RNLS: variants seen among roughly 807,000 people sequenced by gnomAD.
The protein encoded by RNLS is renalase.
In RNLS, 39 loss-of-function variants were observed where a neutral mutation model predicts 39.8. That is an observed-to-expected ratio of 0.98 (90% CI 0.76 to 1.28). The LOEUF is 1.28. RNLS is among the 50% of genes most tolerant of loss of function. The probability of loss-of-function intolerance (pLI) is 0.00; values close to 1 mark genes in which losing one functional copy is unlikely to be tolerated. For missense variants in RNLS, 410 were observed against 413.3 expected, an observed-to-expected ratio of 0.99 and a Z score of 0.07; for synonymous variants, 147 against 150.7, an observed-to-expected ratio of 0.98 and a Z score of 0.18.
chr10:88,369,469 C>G (rs532481545), intron 4 of RNLS, among the ~76,000 whole-genome samples: 2 of 152,244 alleles, frequency 1.3e-5, no homozygotes, highest in Admixed American at 1.3e-4. Context: ...CAGGTGTTGG[C>G]AATGGTGAGC....
chr10:88,353,847 G>A (rs890826026), intron 5 of RNLS, among the ~76,000 whole-genome samples: 1 of 152,178 alleles, frequency 6.6e-6, no homozygotes, highest in Non-Finnish European at 1.5e-5. Context: ...GGGAGTCTAA[G>A]TCTCTTTGTA....
chr10:88,402,726 T>C (rs1254108617), intron 4 of RNLS, among the ~76,000 whole-genome samples: 5 of 151,988 alleles, frequency 3.3e-5, no homozygotes, highest in Admixed American at 1.3e-4. Context: ...GAAAATTCTA[T>C]CTTATAGAAT....
intron 4 of RNLS, among the ~76,000 whole-genome samples, chr10:88,424,422 G>C (rs1436283025): frequency 2.0e-5 from 3 of 152,110 alleles, no homozygotes; most frequent in African/African-American, 7.2e-5. Context: ...GAGAGGAATA[G>C]GTGGCTTGAA....
the RNLS span, among the ~76,000 whole-genome samples, chr10:88,231,942 C>CTGTGTGTG: frequency 0.036 from 5,451 of 149,740 alleles, 117 homozygotes; most frequent in Middle Eastern, 0.051. Context: ...CACAGGATTT[C>CTGTGTGTG]TGTGTGTGTG....
chr10:88,558,206 G>C (rs1357808559), intron 4 of RNLS, among the ~76,000 whole-genome samples: 1 of 152,078 alleles, frequency 6.6e-6, no homozygotes, highest in Non-Finnish European at 1.5e-5. Flanking sequence ...AAGGTATACC[G>C]CTCCAATTAC....
At chr10:88,211,272 A>G in the RNLS span, among the ~76,000 whole-genome samples, 2 of 152,130 alleles carry the variant, frequency 1.3e-5, no homozygotes, top group Admixed American at 6.6e-5. Context: ...TTCTCTCCCA[A>G]TGCATGCATG....
chr10:88,562,823 CAAT>C (rs377622527), intron 4 of RNLS, among the ~76,000 whole-genome samples: 1 of 152,054 alleles, frequency 6.6e-6, no homozygotes, highest in Non-Finnish European at 1.5e-5. Context: ...GCAGTTATCT[CAAT>C]AAATATAAAA....
chr10:88,397,368 A>G (rs1852624030), intron 4 of RNLS, among the ~76,000 whole-genome samples: 1 of 152,022 alleles, frequency 6.6e-6, no homozygotes, highest in African/African-American at 2.4e-5. Context: ...TAAGCAACAC[A>G]CACCTAAATA....
At chr10:88,403,534 T>C (rs780640975) in intron 4 of RNLS, among the ~76,000 whole-genome samples, 3 of 152,086 alleles carry the variant, frequency 2.0e-5, no homozygotes, top group Non-Finnish European at 4.4e-5. Flanking sequence ...ATTGGGATTA[T>C]AGATAAAACA....
At chr10:88,430,309 T>C (rs1855057405) in intron 4 of RNLS, among the ~76,000 whole-genome samples, 1 of 151,856 alleles carries the variant, frequency 6.6e-6, no homozygotes, top group East Asian at 1.9e-4. Flanking sequence ...ATTACTAATA[T>C]AAACAAATAC....
chr10:88,498,715 G>A (rs1383013199), intron 4 of RNLS, among the ~76,000 whole-genome samples: 2 of 151,810 alleles, frequency 1.3e-5, no homozygotes, highest in African/African-American at 4.8e-5. Context: ...CAGATAGGAG[G>A]TGTCACTTCT....
chr10:88,361,259 T>C (rs890977949), intron 5 of RNLS, among the ~76,000 whole-genome samples: 2 of 152,218 alleles, frequency 1.3e-5, no homozygotes, highest in Admixed American at 1.3e-4. Context: ...ACAACCATAT[T>C]GGGATTAGGG....
chr10:88,345,313 T>C (rs1395116990), intron 5 of RNLS, among the ~76,000 whole-genome samples: 1 of 152,156 alleles, frequency 6.6e-6, no homozygotes, highest in Non-Finnish European at 1.5e-5. Flanking sequence ...TACTTCACAG[T>C]GCTTAGTCTT....
chr10:88,422,080 T>A (rs1418143457), intron 4 of RNLS, among the ~76,000 whole-genome samples: 2 of 152,226 alleles, frequency 1.3e-5, no homozygotes, highest in Non-Finnish European at 2.9e-5. Context: ...AGCTAACTCT[T>A]GAGAAGGATA....
the RNLS span, among the ~76,000 whole-genome samples, chr10:88,227,272 T>TAGA: frequency 5.2e-4 from 79 of 151,924 alleles, no homozygotes; most frequent in African/African-American, 1.8e-3. Flanking sequence ...TAAAGGAGAG[T>TAGA]AGATACTGGT....
chr10:88,523,969 T>C (rs1252826414), intron 4 of RNLS, among the ~76,000 whole-genome samples: 1 of 152,112 alleles, frequency 6.6e-6, no homozygotes, highest in East Asian at 1.9e-4. Flanking sequence ...CAATATTATA[T>C]CTGGTTAAAC....
the RNLS span, among the ~76,000 whole-genome samples, chr10:88,230,805 G>C: frequency 6.6e-6 from 1 of 152,280 alleles, no homozygotes; most frequent in East Asian, 1.9e-4. Flanking sequence ...TTATCCCATT[G>C]GTTCCTCCCA....
chr10:88,429,036 T>G (rs566931369), intron 4 of RNLS, among the ~76,000 whole-genome samples: 32 of 151,990 alleles, frequency 2.1e-4, no homozygotes, highest in African/African-American at 5.8e-4. Flanking sequence ...ATGCTTTCAT[T>G]AATCTCATCT....
chr10:88,468,404 C>T (rs779479672), intron 4 of RNLS, among the ~76,000 whole-genome samples: 2 of 152,228 alleles, frequency 1.3e-5, no homozygotes, highest in East Asian at 1.9e-4. Flanking sequence ...TTCAGTTATC[C>T]GGTAACCTAA....
Sources: gnomAD v4.1 joint callset for allele counts (sites outside exome capture counted in the v4.1 genomes callset) on GRCh38, gnomAD v4.1.1 for gene constraint, MANE v1.5 for transcripts, NCBI Gene and HGNC (gene_info 2026-07-23, HGNC 2026-07-21) for gene names.